The following ZNF462 variants were observed in gnomAD, a reference collection of about 807,000 sequenced individuals.
ZNF462 encodes the protein zinc finger PBX1-interacting protein.
In ZNF462, 10 loss-of-function variants were observed where a neutral mutation model predicts 201.9. The observed-to-expected ratio is 0.05, with a 90% confidence interval of 0.03 to 0.08. ZNF462 has a LOEUF of 0.08. ZNF462 is among the 10% of genes least tolerant of loss of function. The probability of loss-of-function intolerance (pLI) is 1.00; values close to 1 mark genes in which losing one functional copy is unlikely to be tolerated. For missense variants in ZNF462, 2,523 were observed against 3,168.3 expected (o/e 0.80, Z 4.89); for synonymous variants, 1,227 against 1,193.3 (o/e 1.03, Z -0.58).
chr9:106,953,177 G>T (rs536973532), intron 7 of ZNF462, among the ~76,000 whole-genome samples: 1 of 152,122 alleles, frequency 6.6e-6, no homozygotes, highest in Non-Finnish European at 1.5e-5. Context: ...TTTGCTTTTC[G>T]TAAACTGCTA....
At chr9:106,891,114 G>A (rs1466907118) in intron 1 of ZNF462, among the ~76,000 whole-genome samples, 3 of 152,104 alleles carry the variant, frequency 2.0e-5, no homozygotes, top group Admixed American at 2.0e-4. Context: ...AGATTGTTTG[G>A]TATATTTACA....
At chr9:106,986,978 T>C (rs527504231) in intron 10 of ZNF462, among the ~76,000 whole-genome samples, 32 of 23,944 alleles carry the variant, frequency 1.3e-3, no homozygotes, top group African/African-American at 3.4e-3. Flanking sequence ...TATTCCATCA[T>C]AGATAGATAG....
chr9:106,990,813 A>T (rs1281640531), intron 10 of ZNF462, among the ~76,000 whole-genome samples: 2 of 152,000 alleles, frequency 1.3e-5, no homozygotes, highest in African/African-American at 4.8e-5. Context: ...CTACATGATG[A>T]GTACAAAATG....
At position 107,008,634 on chromosome 9, in the gene ZNF462, G is replaced by T. The variant is rs1360702488; in HGVS notation, c.7190-911G>T. On this transcript the variant is annotated intron_variant, in intron 11 of 12. Coordinates refer to ENST00000277225, the MANE Select transcript of ZNF462 (RefSeq NM_021224.6). The surrounding 1 kb of genome is among the most constrained non-coding windows in gnomAD (Gnocchi z 4.8). ...CTGTGGTATAATGAAACACATATGG[G>T]CTAGGAACTCGGGCTAACACAATGG... 1.3e-5 allele frequency among the ~76,000 whole-genome samples: 2 copies of T among 152,120 alleles called. No individual in the cohort carries two copies. Among genetic ancestry groups the T allele is most frequent in the Admixed American group, 6.6e-5 (1 of 15,250 alleles).
In ZNF462 at chr9:106,895,283, G is replaced by A. The variant is rs375583979; in HGVS notation, c.-30-28071G>A. Among the ~76,000 whole-genome samples, 11 of 152,314 alleles carry A rather than the reference G, an allele frequency of 7.2e-5. No individual in the cohort carries two copies. The East Asian group carries it at 1.7e-3, about 24-fold the overall frequency. ...TCATTAGTTAACTCTGGATGGGTCA[G>A]AAAGTGGTGACCTGGTTATTAGACA... On this transcript the variant is annotated intron_variant, in intron 1 of 12. Coordinates refer to ENST00000277225, the MANE Select transcript of ZNF462 (RefSeq NM_021224.6). This position sits in a 1 kb window ranked among gnomAD's most constrained non-coding sequence, Gnocchi z 4.4.
intron 6 of ZNF462, among the ~76,000 whole-genome samples, chr9:106,937,033 A>G (rs1830660123): frequency 6.6e-6 from 1 of 152,164 alleles, no homozygotes; most frequent in African/African-American, 2.4e-5. Flanking sequence ...GGCTTGGAAA[A>G]AGCCAGTACC....
intron 7 of ZNF462, among the ~76,000 whole-genome samples, chr9:106,956,160 T>G (rs938509114): frequency 1.6e-4 from 24 of 152,180 alleles, no homozygotes; most frequent in African/African-American, 5.3e-4. Flanking sequence ...AACTGAATCC[T>G]TATTACCTGT....
intron 10 of ZNF462, among the ~76,000 whole-genome samples, chr9:106,989,341 T>G (rs772691235): frequency 7.9e-5 from 12 of 152,176 alleles, no homozygotes; most frequent in Admixed American, 1.3e-4. Flanking sequence ...GTATCACATT[T>G]ATTGACTCGT....
chr9:106,974,147 A>C lies in ZNF462; in HGVS notation c.6706A>C (p.Thr2236Pro). The change falls in exon 9 of 13, where the codon ACT becomes CCT. Residue 2236 changes from threonine (T) to proline (P), a missense_variant. Around this residue, in one of 15 missense-constraint regions of ZNF462, gnomAD observed 228 missense variants for 361.2 expected, o/e 0.63. Coordinates refer to ENST00000277225, the MANE Select transcript of ZNF462 (RefSeq NM_021224.6). This position sits in a 1 kb window ranked among gnomAD's most constrained non-coding sequence, Gnocchi z 4.0. ...SFYTGFKSAF[T>P]MHVEAGHSAV... is the part of the protein sequence containing the mutation. ...CAAACTCTCTCCTAGATCTGCTTTT[A>C]CTATGCACGTGGAAGCTGGGCACTC... 6.2e-7 allele frequency: 1 copy of C among 1,614,126 alleles called. No homozygotes were observed. Among genetic ancestry groups the C allele is most frequent in the South Asian group, 1.1e-5 (1 of 91,078 alleles).
chr9:106,881,789 C>T (rs948578709), intron 1 of ZNF462, among the ~76,000 whole-genome samples: 4 of 152,130 alleles, frequency 2.6e-5, no homozygotes, highest in Non-Finnish European at 4.4e-5. Context: ...CCAGTGTGCT[C>T]CCCTATGAAA....
At position 106,978,075 on chromosome 9, in the gene ZNF462, C is replaced by A. The variant is rs1012962989; in HGVS notation, c.6832+3802C>A. Among the ~76,000 whole-genome samples the A allele has an allele frequency of 6.6e-6, 1 of 151,510 alleles. No homozygotes were observed. The highest frequency in any genetic ancestry group is 2.4e-5 in the African/African-American group (1 of 40,832). On this transcript the variant is annotated intron_variant, in intron 9 of 12. Coordinates refer to ENST00000277225, the MANE Select transcript of ZNF462 (RefSeq NM_021224.6). This position sits in a 1 kb window ranked among gnomAD's most constrained non-coding sequence, Gnocchi z 4.1. Reference sequence around the variant, plus strand: ...ATGGGCTTTTTCTCTATGTGTATCTCTTTGTGCCCTCTTTTCTTCTTATAA... The same window carrying A: ...ATGGGCTTTTTCTCTATGTGTATCTATTTGTGCCCTCTTTTCTTCTTATAA...
At position 106,920,567 on chromosome 9, in the gene ZNF462, A is replaced by G. The variant is rs1829949951; in HGVS notation, c.-30-2787A>G. ...TTTTTGAGGCAGAGGCTGCAACAAC[A>G]TTAAAGCTAGAACCCATTAGGAAAT... On this transcript the variant is annotated intron_variant, in intron 1 of 12. Transcript: ENST00000277225. The surrounding 1 kb of genome is among the most constrained non-coding windows in gnomAD (Gnocchi z 4.3). 6.6e-6 allele frequency among the ~76,000 whole-genome samples: 1 copy of G among 152,232 alleles called. No individual in the cohort carries two copies. The highest frequency in any genetic ancestry group is 1.5e-5 in the Non-Finnish European group (1 of 68,042).
chr9:107,000,225 G>A (rs1167450420), intron 10 of ZNF462, among the ~76,000 whole-genome samples: 2 of 151,968 alleles, frequency 1.3e-5, no homozygotes, highest in Admixed American at 6.6e-5. Flanking sequence ...GCAAGGGGGA[G>A]CCTAGAGAAG....
intron 7 of ZNF462, among the ~76,000 whole-genome samples, chr9:106,942,808 A>C (rs1240428509): frequency 1.3e-5 from 2 of 152,216 alleles, no homozygotes; most frequent in Non-Finnish European, 2.9e-5. Context: ...TGGGCAATGG[A>C]TACGTAACTT....
At chr9:106,999,111 C>G (rs922770167) in intron 10 of ZNF462, among the ~76,000 whole-genome samples, 3 of 152,116 alleles carry the variant, frequency 2.0e-5, no homozygotes, top group Non-Finnish European at 4.4e-5. Context: ...GCAGAAAGAG[C>G]CTGGAAGGAG....
intron 7 of ZNF462, among the ~76,000 whole-genome samples, chr9:106,951,851 G>GTTT (rs113813847): frequency 7.1e-6 from 1 of 140,560 alleles, no homozygotes; most frequent in Admixed American, 7.2e-5. Context: ...ACAGTGTTGT[G>GTTT]TTTTTTTTTT....
intron 1 of ZNF462, among the ~76,000 whole-genome samples, chr9:106,892,691 T>C (rs941732983): frequency 7.0e-6 from 1 of 143,490 alleles, no homozygotes; most frequent in Non-Finnish European, 1.5e-5. Flanking sequence ...CACACACACA[T>C]GCACACACAC....
intron 7 of ZNF462, among the ~76,000 whole-genome samples, chr9:106,964,992 A>C (rs980187151): frequency 2.0e-5 from 3 of 152,096 alleles, no homozygotes; most frequent in Non-Finnish European, 1.5e-5. Context: ...TGATCTAGCC[A>C]AGTTTGCTTA....
chr9:106,936,630 A>G (rs975266139), intron 6 of ZNF462, among the ~76,000 whole-genome samples: 2 of 152,194 alleles, frequency 1.3e-5, no homozygotes, highest in African/African-American at 4.8e-5. Flanking sequence ...GGAAATTTCT[A>G]CTAAAGTCCT....
Sources: gnomAD v4.1 joint callset for allele counts (sites outside exome capture counted in the v4.1 genomes callset) on GRCh38, gnomAD v4.1.1 for gene constraint, gnomAD v4.1.1 regional missense constraint, Gnocchi (gnomAD v3.1) non-coding constraint, MANE v1.5 for transcripts, NCBI Gene and HGNC (gene_info 2026-07-23, HGNC 2026-07-21) for gene names.